The following ARNT variants were observed in gnomAD, a reference collection of about 807,000 sequenced individuals.
ARNT encodes class E basic helix-loop-helix protein 2.
A neutral mutation model predicts 105.0 loss-of-function variants in ARNT; 30 were observed. The observed-to-expected ratio is 0.29, with a 90% CI of 0.21 to 0.39. ARNT has a LOEUF of 0.39. Ranked by LOEUF, ARNT falls within the 10% of genes least tolerant of loss-of-function variation. ARNT has a pLI of 1.00. For synonymous variants in ARNT, 304 were observed against 344.0 expected (o/e 0.88, Z 1.29); for missense variants, 748 against 978.7 (o/e 0.76, Z 3.15).
At chr1:150,813,391 T>A (rs1252241399) in intron 20 of ARNT, 53 bp from the exon 21 acceptor site, 2 of 1,518,726 alleles carry the variant, frequency 1.3e-6, no homozygotes, top group African/African-American at 2.8e-5. Context: ...AATTCCATTG[T>A]GTACTAATGC....
At chr1:150,828,674 G>A (rs748127684) in intron 12 of ARNT, among the ~76,000 whole-genome samples, 1 of 152,070 alleles carries the variant, frequency 6.6e-6, no homozygotes, top group Non-Finnish European at 1.5e-5. Context: ...TATATGATGC[G>A]TCAATTCAGA....
rs587632313 is a variant in ARNT at position 150,853,018 on chromosome 1, C to T, written c.138-212G>A. On this transcript the variant is annotated intron_variant, in intron 2 of 21. Transcript: ENST00000358595. ...AACTGGGGCCAGGAGTGGTGGCTCA[C>T]GCCTGTAATCCCAGCACTTTGGAAG... 30 of 571,232 alleles carry T rather than the reference C, an allele frequency of 5.3e-5. No individual in the cohort carries two copies. In the East Asian group the frequency reaches 6.5e-4, roughly 12 times the overall value. The allele number at this position is 571,232 out of a possible 1,614,324, so 35.4% of individuals were successfully genotyped here. A position where few individuals can be genotyped will look rare whatever the true frequency, so the allele number is the denominator to read the frequency against.
chr1:150,854,962 A>G (rs1271516833), intron 2 of ARNT, among the ~76,000 whole-genome samples: 1 of 151,394 alleles, frequency 6.6e-6, no homozygotes, highest in Non-Finnish European at 1.5e-5. Flanking sequence ...GAAAAGAAAG[A>G]TAATTGCTAA....
At chr1:150,813,770 G>A (rs1433413982) in intron 20 of ARNT, among the ~76,000 whole-genome samples, 7 of 151,824 alleles carry the variant, frequency 4.6e-5, no homozygotes, top group East Asian at 1.9e-4. Flanking sequence ...TCAGCCGCCC[G>A]AGTAGCTGGA....
chr1:150,817,104 T>C lies in ARNT; in HGVS notation c.1677A>G (p.Glu559=). 1 of 1,614,148 alleles carries C rather than the reference T, an allele frequency of 6.2e-7. No individual in the cohort carries two copies. The highest frequency in any genetic ancestry group is 8.5e-7 in the Non-Finnish European group (1 of 1,180,036). Residue 559 remains glutamate, a synonymous_variant, in exon 17 of 22, where the codon GAA becomes GAG. Coordinates refer to ENST00000358595, the MANE Select transcript of ARNT (RefSeq NM_001668.4). ...TACCCGCATTGATGTTGTGATAGAT[T>C]TCTGAAAATCTTGGATCTCTATCCT... The part of the protein sequence containing the change: ...FAQDRDPRFS[E]IYHNINADQS...
chr1:150,876,515 G>C (rs1181567186), intron 1 of ARNT, 28 bp downstream of exon 1: 4 of 1,549,704 alleles, frequency 2.6e-6, no homozygotes, highest in Non-Finnish European at 3.5e-6. Flanking sequence ...CTCCCCTTTA[G>C]AGGCGCCCCA....
At chr1:150,860,215 A>AATTTTTT (rs1221352608) in intron 1 of ARNT, among the ~76,000 whole-genome samples, 18 of 65,606 alleles carry the variant, frequency 2.7e-4, no homozygotes, top group East Asian at 9.5e-4. Context: ...AAAAAAAAAA[A>AATTTTTT]TTCTTTTTTT....
chr1:150,866,712 CGTATAT>C (rs1249617481), intron 1 of ARNT, among the ~76,000 whole-genome samples: 1 of 151,802 alleles, frequency 6.6e-6, no homozygotes, highest in African/African-American at 2.4e-5. Flanking sequence ...CACACACACA[CGTATAT>C]TTGGCAAAAG....
intron 12 of ARNT, 96 bp downstream of exon 12, chr1:150,828,997 G>T: frequency 7.2e-7 from 1 of 1,396,250 alleles, no homozygotes; most frequent in Non-Finnish European, 9.7e-7. Flanking sequence ...TCTTAACTGA[G>T]GTTGATATGT....
chr1:150,834,430 A>T, intron 8 of ARNT, 108 bp downstream of exon 8: 1 of 1,032,826 alleles, frequency 9.7e-7, no homozygotes, highest in Non-Finnish European at 1.5e-6. Flanking sequence ...GGGTATGGAG[A>T]GTTAAATTTA....
rs1265013090 is a variant in ARNT at position 150,809,770 on chromosome 1, G to A, written c.*2251C>T. ...ACATACTGGGGGAAGGCATCCAGAT[G>A]TGCCCTAGTGGTTTTCAAGTCCCGA... On this transcript the variant is annotated 3_prime_UTR_variant, in exon 22 of 22. Transcript: ENST00000358595. 1 of 216,892 alleles carries A rather than the reference G, an allele frequency of 4.6e-6. No homozygotes were observed. Among genetic ancestry groups the A allele is most frequent in the Non-Finnish European group, 9.3e-6 (1 of 107,736 alleles). 13.4% of individuals were successfully genotyped at this position (216,892 alleles called of 1,614,324 possible). A position where few individuals can be genotyped will look rare whatever the true frequency, so the allele number is the denominator to read the frequency against.
chr1:150,817,004 T>G (rs1571185459), intron 17 of ARNT, 78 bp downstream of exon 17: 1 of 1,606,868 alleles, frequency 6.2e-7, no homozygotes, highest in East Asian at 2.2e-5. Context: ...CACTGGAAGA[T>G]TACTGACTGG....
intron 5 of ARNT, among the ~76,000 whole-genome samples, chr1:150,841,954 A>G (rs1233828332): frequency 1.1e-4 from 17 of 152,234 alleles, no homozygotes. Flanking sequence ...TTCTGTTGTG[A>G]GAATAATCTA....
chr1:150,823,427 A>T, intron 13 of ARNT, 82 bp from the exon 14 acceptor site: 1 of 1,359,020 alleles, frequency 7.4e-7, no homozygotes, highest in Non-Finnish European at 9.9e-7. Flanking sequence ...AATTTCTATA[A>T]CCCTAAAACT....
intron 4 of ARNT, among the ~76,000 whole-genome samples, 174 bp from the exon 5 acceptor site, chr1:150,842,642 G>C (rs1661499224): frequency 6.6e-6 from 1 of 151,964 alleles, no homozygotes; most frequent in Non-Finnish European, 1.5e-5. Context: ...GCAGAGAAGA[G>C]AGGAGGGAAA....
Position 150,842,409 on chromosome 1 carries a change from A to G in ARNT, c.272+15T>C. ...ATCATCTGCTTCATCATGCTAAAAGACACTGTTCTCCTACCTGGCAAGTCT... is the reference window on the plus strand; with the variant it reads ...ATCATCTGCTTCATCATGCTAAAAGGCACTGTTCTCCTACCTGGCAAGTCT... On this transcript the variant is annotated intron_variant, in intron 5 of 21. Coordinates refer to ENST00000358595, the MANE Select transcript of ARNT (RefSeq NM_001668.4). 1 of 1,611,530 alleles carries G rather than the reference A, an allele frequency of 6.2e-7. No homozygotes were observed. The highest frequency in any genetic ancestry group is 8.5e-7 in the Non-Finnish European group (1 of 1,178,620).
At chr1:150,813,746 G>T (rs1268055480) in intron 20 of ARNT, among the ~76,000 whole-genome samples, 1 of 151,920 alleles carries the variant, frequency 6.6e-6, no homozygotes, top group African/African-American at 2.4e-5. Context: ...CTGGGTTCAA[G>T]CGATTCTCCT....
At chr1:150,857,908 C>T (rs752882120) in intron 2 of ARNT, among the ~76,000 whole-genome samples, 1 of 152,132 alleles carries the variant, frequency 6.6e-6, no homozygotes, top group Non-Finnish European at 1.5e-5. Flanking sequence ...TTAATAAATA[C>T]TTTTGGAGCT....
In ARNT at chr1:150,816,242, C is replaced by A. The variant is rs886879547; in HGVS notation, c.1950+17G>T. On this transcript the variant is annotated intron_variant, in intron 19 of 21. Coordinates refer to ENST00000358595, the MANE Select transcript of ARNT (RefSeq NM_001668.4). ...CAAAAAATAATACACAGGGAACACA[C>A]AGATGATAAGTTTTACCTGGGCAGA... The A allele has an allele frequency of 1.3e-5, 20 of 1,592,114 alleles. No individual in the cohort carries two copies. Among genetic ancestry groups the A allele is most frequent in the Non-Finnish European group, 1.7e-5 (20 of 1,173,440 alleles).
Sources: gnomAD v4.1 joint callset for allele counts (sites outside exome capture counted in the v4.1 genomes callset) on GRCh38, gnomAD v4.1.1 for gene constraint, MANE v1.5 for transcripts, NCBI Gene and HGNC (gene_info 2026-07-23, HGNC 2026-07-21) for gene names.